The following IFNA5 variants were observed in gnomAD, a reference collection of about 807,000 sequenced individuals.
The protein encoded by IFNA5 is interferon alpha-5.
For missense variants in IFNA5, 267 were observed against 213.8 expected (o/e 1.25, Z -1.55); for synonymous variants, 95 against 77.6 (o/e 1.22, Z -1.18).
chr9:21,304,330 A>G lies in IFNA5; in HGVS notation c.*357T>C, dbSNP rs1469941271. 2.0e-5 allele frequency: 3 copies of G among 152,412 alleles called. No individual in the cohort carries two copies. In the East Asian group the frequency reaches 5.7e-4, roughly 29 times the overall value. The allele number at this position is 152,412 out of a possible 1,614,324, so 9.4% of individuals were successfully genotyped here. On this transcript the variant is annotated 3_prime_UTR_variant, in exon 1 of 1. Coordinates refer to ENST00000610521, the MANE Select transcript of IFNA5 (RefSeq NM_002169.3). ...AACAAAGCAAAATAATCAGTTGACA[A>G]AACATAAAGAACATATTTTATTATA...
rs144769373 is a variant in IFNA5, at chr9:21,304,721, G to T, written c.536C>A (p.Ala179Glu). 6.2e-7 allele frequency: 1 copy of T among 1,612,374 alleles called. No homozygotes were observed. Among genetic ancestry groups the T allele is most frequent in the South Asian group, 1.1e-5 (1 of 90,448 alleles). Reference sequence around the variant, plus strand: ...CCTCCTTAATCTTTCTTGCAAGTTTGCTGATAAAGAGAAGGATCTCATGAT... The same window carrying T: ...CCTCCTTAATCTTTCTTGCAAGTTTTCTGATAAAGAGAAGGATCTCATGAT... ...AEIMRSFSLSANLQERLRRKE is the reference protein window; with the variant it reads ...AEIMRSFSLSENLQERLRRKE The change falls in exon 1 of 1, where the codon GCA becomes GAA. Residue 179 changes from alanine to glutamate, a missense_variant. Ala to Glu is a moderately radical substitution (Grantham distance 107, BLOSUM62 -1). Coordinates refer to ENST00000610521, the MANE Select transcript of IFNA5 (RefSeq NM_002169.3).
In IFNA5 at chr9:21,305,007, T is replaced by C. The variant is rs1819824822; in HGVS notation, c.250A>G (p.Ile84Val). The C allele has an allele frequency of 6.2e-7, 1 of 1,614,186 alleles. No individual in the cohort carries two copies. The highest frequency in any genetic ancestry group is 8.5e-7 in the Non-Finnish European group (1 of 1,180,036). ...CTGAAGAGATTGAAGGTCTGCTGGA[T>C]CATCTCATGGAGGACAGAGATGGCT... is the stretch of plus-strand genomic sequence containing the variant. ...AQAISVLHEMIQQTFNLFSTK... is the reference protein window; with the variant it reads ...AQAISVLHEMVQQTFNLFSTK... Residue 84 changes from isoleucine (I) to valine (V), a missense_variant, in exon 1 of 1, where the codon ATC (isoleucine) becomes GTC (valine). Ile to Val is a conservative substitution (Grantham distance 29, BLOSUM62 3). Transcript: ENST00000610521.
At position 21,304,374 on chromosome 9, in the gene IFNA5, T is replaced by G. The variant is rs1819807422; in HGVS notation, c.*313A>C. ...TATTATATTAGCCACAAAGTAAAGG[T>G]GGATGTAATATTACCTGAACAAACA... On this transcript the variant is annotated 3_prime_UTR_variant, in exon 1 of 1. Transcript: ENST00000610521. 1 of 152,736 alleles carries G rather than the reference T, an allele frequency of 6.5e-6. No homozygotes were observed. The highest frequency in any genetic ancestry group is 2.4e-5 in the African/African-American group (1 of 41,388). 9.5% of individuals were successfully genotyped at this position (152,736 alleles called of 1,614,324 possible). A position where few individuals can be genotyped will look rare whatever the true frequency, so the allele number is the denominator to read the frequency against.
At position 21,305,105 on chromosome 9, in the gene IFNA5, G is replaced by A. The variant is rs1819827474; in HGVS notation, c.152C>T (p.Ser51Phe). Residue 51 changes from serine to phenylalanine, a missense_variant, in exon 1 of 1, where the codon TCC (serine) becomes TTC (phenylalanine). Ser to Phe is a radical substitution (Grantham distance 155). Transcript: ENST00000610521. ...AAAGTCATGTCTGTCCTTCAGGCAG[G>A]AGAAAGGAGAGATTCTTCCCATTTG... ...MAQMGRISPF[S>F]CLKDRHDFGF... 1.9e-6 allele frequency: 3 copies of A among 1,614,204 alleles called. No homozygotes were observed. The highest frequency in any genetic ancestry group is 2.5e-6 in the Non-Finnish European group (3 of 1,180,030).
In IFNA5 at chr9:21,304,688, C is replaced by A; in HGVS notation, c.569G>T (p.Ter190LeuextTer11). Residue 190 changes from the stop codon to leucine (L), a stop_lost, in exon 1 of 1, where the codon TGA becomes TTA. Transcript: ENST00000610521. ...ATCATTTCGATGTTGAACCAGTTTT[C>A]ATTCCTTCCTCCTTAATCTTTCTTG... ...NLQERLRRKE* is the reference protein window; with the variant it reads ...NLQERLRRKEL The A allele has an allele frequency of 6.2e-7, 1 of 1,610,298 alleles. No individual in the cohort carries two copies. The highest frequency in any genetic ancestry group is 8.5e-7 in the Non-Finnish European group (1 of 1,178,998).
Position 21,305,283 on chromosome 9 carries a change from T to C in IFNA5, c.-27A>G. On this transcript the variant is annotated 5_prime_UTR_variant, in exon 1 of 1. Transcript: ENST00000610521. ...GGGGAGGTTGCAGATGCTTCTGGGC[T>C]GTTGAGATTGAGTGACCCTGAACCT... 1 of 1,542,402 alleles carries C rather than the reference T, an allele frequency of 6.5e-7. No individual in the cohort carries two copies. The highest frequency in any genetic ancestry group is 8.7e-7 in the Non-Finnish European group (1 of 1,146,666).
At position 21,304,328 on chromosome 9, in the gene IFNA5, C is replaced by T. The variant is rs997245846; in HGVS notation, c.*359G>A. The T allele has an allele frequency of 3.3e-5, 5 of 151,852 alleles. No individual in the cohort carries two copies. The highest frequency in any genetic ancestry group is 3.3e-4 in the Admixed American group (5 of 15,212). The allele number at this position is 151,852 out of a possible 1,614,324, so 9.4% of individuals were successfully genotyped here. On this transcript the variant is annotated 3_prime_UTR_variant, in exon 1 of 1. Transcript: ENST00000610521. ...TGAACAAAGCAAAATAATCAGTTGACAAAACATAAAGAACATATTTTATTA... is the reference window on the plus strand; with the variant it reads ...TGAACAAAGCAAAATAATCAGTTGATAAAACATAAAGAACATATTTTATTA...
rs1258224324 is a variant in IFNA5 at position 21,305,147 on chromosome 9, G to C, written c.110C>G (p.Thr37Ser). Reference sequence around the variant, plus strand: ...TCCCATTTGTGCCATTATCATCAAAGTCCTCCTGTTACTCAGGCTGTGGGT... The same window carrying C: ...TCCCATTTGTGCCATTATCATCAAACTCCTCCTGTTACTCAGGCTGTGGGT... ...PQTHSLSNRR[T>S]LMIMAQMGRI... is the part of the protein sequence containing the mutation. The change falls in exon 1 of 1, where the codon ACT becomes AGT. Residue 37 changes from threonine (T) to serine (S), a missense_variant. Transcript: ENST00000610521. 1 of 1,614,182 alleles carries C rather than the reference G, an allele frequency of 6.2e-7. No homozygotes were observed. The highest frequency in any genetic ancestry group is 1.3e-5 in the African/African-American group (1 of 75,046).
Position 21,305,099 on chromosome 9 carries a change from A to G in IFNA5, c.158T>C (p.Leu53Pro). ...QMGRISPFSCLKDRHDFGFPQ... is the reference protein window; with the variant it reads ...QMGRISPFSCPKDRHDFGFPQ... ...AAATCCAAAGTCATGTCTGTCCTTCAGGCAGGAGAAAGGAGAGATTCTTCC... is the reference window on the plus strand; with the variant it reads ...AAATCCAAAGTCATGTCTGTCCTTCGGGCAGGAGAAAGGAGAGATTCTTCC... The change falls in exon 1 of 1, where the codon CTG becomes CCG. Residue 53 changes from leucine to proline, a missense_variant. By Grantham distance (98) the Leu-to-Pro change is moderately conservative (BLOSUM62 -3). Coordinates refer to ENST00000610521, the MANE Select transcript of IFNA5 (RefSeq NM_002169.3). The G allele has an allele frequency of 6.2e-7, 1 of 1,614,240 alleles. No homozygotes were observed. Among genetic ancestry groups the G allele is most frequent in the African/African-American group, 1.3e-5 (1 of 75,056 alleles).
In IFNA5 at chr9:21,304,745, A is replaced by G; in HGVS notation, c.512T>C (p.Ile171Thr). The G allele has an allele frequency of 6.2e-7, 1 of 1,613,484 alleles. No individual in the cohort carries two copies. Among genetic ancestry groups the G allele is most frequent in the Non-Finnish European group, 8.5e-7 (1 of 1,179,910 alleles). The change falls in exon 1 of 1, where the codon ATC (isoleucine) becomes ACC (threonine). Residue 171 changes from isoleucine to threonine, a missense_variant. By Grantham distance (89) the Ile-to-Thr change is moderately conservative. Coordinates refer to ENST00000610521, the MANE Select transcript of IFNA5 (RefSeq NM_002169.3). ...TGCTGATAAAGAGAAGGATCTCATG[A>G]TTTCTGCTCTGACAACCTCCCATGC... ...PCAWEVVRAE[I>T]MRSFSLSANL...
rs1309777296 is a variant in IFNA5, at chr9:21,304,474, AATAG to A, written c.*209_*212del. ...TAGATAGAAGACAGACAGATAGATA[AATAG>A]ATAGAATAGATAGATTGGCATGATC... On this transcript the variant is annotated 3_prime_UTR_variant, in exon 1 of 1. Transcript: ENST00000610521. 2 of 340,188 alleles carry A rather than the reference AATAG, an allele frequency of 5.9e-6. No homozygotes were observed. The highest frequency in any genetic ancestry group is 1.0e-5 in the Non-Finnish European group (2 of 191,442). The allele number at this position is 340,188 out of a possible 1,614,324, so 21.1% of individuals were successfully genotyped here.
Position 21,305,262 on chromosome 9 carries a change from A to C in IFNA5, c.-6T>G. The C allele has an allele frequency of 6.3e-7, 1 of 1,579,690 alleles. No homozygotes were observed. The highest frequency in any genetic ancestry group is 8.6e-7 in the Non-Finnish European group (1 of 1,165,588). ...AAAACAAAGGGCAAGGCCATTGGGG[A>C]GGTTGCAGATGCTTCTGGGCTGTTG... On this transcript the variant is annotated 5_prime_UTR_variant, in exon 1 of 1. Coordinates refer to ENST00000610521, the MANE Select transcript of IFNA5 (RefSeq NM_002169.3).
chr9:21,304,722 C>G lies in IFNA5; in HGVS notation c.535G>C (p.Ala179Pro). 1.2e-6 allele frequency: 2 copies of G among 1,612,196 alleles called. No individual in the cohort carries two copies. The highest frequency in any genetic ancestry group is 1.7e-6 in the Non-Finnish European group (2 of 1,179,664). Residue 179 changes from alanine (A) to proline (P), a missense_variant, in exon 1 of 1, where the codon GCA becomes CCA. Ala to Pro is a conservative substitution (Grantham distance 27). Coordinates refer to ENST00000610521, the MANE Select transcript of IFNA5 (RefSeq NM_002169.3). ...AEIMRSFSLS[A>P]NLQERLRRKE The stretch of plus-strand genomic sequence containing the variant: ...CTCCTTAATCTTTCTTGCAAGTTTG[C>G]TGATAAAGAGAAGGATCTCATGATT...
At position 21,304,650 on chromosome 9, in the gene IFNA5, C is replaced by T. The variant is rs150951978; in HGVS notation, c.*37G>A. The T allele has an allele frequency of 1.2e-4, 183 of 1,576,636 alleles. No individual in the cohort carries two copies. The African/African-American group carries it at 1.9e-3, about 17-fold the overall frequency. ...AACTCAAGAAGTGTGAAATGGTGTA[C>T]TAGTCAATGAGAATCATTTCGATGT... On this transcript the variant is annotated 3_prime_UTR_variant, in exon 1 of 1. Coordinates refer to ENST00000610521, the MANE Select transcript of IFNA5 (RefSeq NM_002169.3).
chr9:21,304,911 G>C lies in IFNA5; in HGVS notation c.346C>G (p.Leu116Val), dbSNP rs373247063. 1.9e-6 allele frequency: 3 copies of C among 1,614,162 alleles called. No homozygotes were observed. Among genetic ancestry groups the C allele is most frequent in the Middle Eastern group, 1.6e-4 (1 of 6,062 alleles). Residue 116 changes from leucine (L) to valine (V), a missense_variant, in exon 1 of 1, where the codon CTG (leucine) becomes GTG (valine). Coordinates refer to ENST00000610521, the MANE Select transcript of IFNA5 (RefSeq NM_002169.3). Reference protein sequence around the residue: ...DKFYTELYQQLNDLEACMMQE... With the variant: ...DKFYTELYQQVNDLEACMMQE... The stretch of plus-strand genomic sequence containing the variant: ...ATCATACAGGCTTCCAGGTCATTCA[G>C]CTGCTGGTAAAGTTCAGTGTAGAAT...
chr9:21,304,576 A>T lies in IFNA5; in HGVS notation c.*111T>A. 1 of 1,283,352 alleles carries T rather than the reference A, an allele frequency of 7.8e-7. No individual in the cohort carries two copies. The highest frequency in any genetic ancestry group is 1.1e-6 in the Non-Finnish European group (1 of 929,348). The allele number at this position is 1,283,352 out of a possible 1,614,324, so 79.5% of individuals were successfully genotyped here. On this transcript the variant is annotated 3_prime_UTR_variant, in exon 1 of 1. Transcript: ENST00000610521. ...ACGTGTGAAACGTTTGAAAATTTTG[A>T]TTCAACTCAAGTCATGGATATAGCA...
Position 21,304,882 on chromosome 9 carries a change from C to G in IFNA5, c.375G>C (p.Gln125His), listed in dbSNP as rs1269818797. The G allele has an allele frequency of 6.2e-7, 1 of 1,614,172 alleles. No homozygotes were observed. Among genetic ancestry groups the G allele is most frequent in the Admixed American group, 1.7e-5 (1 of 60,024 alleles). The change falls in exon 1 of 1, where the codon CAG becomes CAC. Residue 125 changes from glutamine to histidine, a missense_variant. Coordinates refer to ENST00000610521, the MANE Select transcript of IFNA5 (RefSeq NM_002169.3). ...GAGGAGTGTCTTCCACTCCAACCTC[C>G]TGCATCATACAGGCTTCCAGGTCAT... ...QLNDLEACMM[Q>H]EVGVEDTPLM...
rs779180116 is a variant in IFNA5, at chr9:21,305,258, G to T, written c.-2C>A. 3.2e-6 allele frequency: 5 copies of T among 1,582,916 alleles called. No individual in the cohort carries two copies. The highest frequency in any genetic ancestry group is 4.3e-6 in the Non-Finnish European group (5 of 1,167,058). Reference sequence around the variant, plus strand: ...CAGTAAAACAAAGGGCAAGGCCATTGGGGAGGTTGCAGATGCTTCTGGGCT... The same window carrying T: ...CAGTAAAACAAAGGGCAAGGCCATTTGGGAGGTTGCAGATGCTTCTGGGCT... On this transcript the variant is annotated 5_prime_UTR_variant, in exon 1 of 1. Coordinates refer to ENST00000610521, the MANE Select transcript of IFNA5 (RefSeq NM_002169.3).
In IFNA5 at chr9:21,305,309, T is replaced by G; in HGVS notation, c.-53A>C. ...GTTGAGATTGAGTGACCCTGAACCT[T>G]GGGCTCTTCTCTGAAGACCTTGTTT... On this transcript the variant is annotated 5_prime_UTR_variant, in exon 1 of 1. Coordinates refer to ENST00000610521, the MANE Select transcript of IFNA5 (RefSeq NM_002169.3). 1 of 1,458,394 alleles carries G rather than the reference T, an allele frequency of 6.9e-7. No individual in the cohort carries two copies. Among genetic ancestry groups the G allele is most frequent in the African/African-American group, 1.4e-5 (1 of 70,602 alleles). 90.3% of individuals were successfully genotyped at this position (1,458,394 alleles called of 1,614,324 possible).
Sources: gnomAD v4.1 joint callset for allele counts on GRCh38, gnomAD v4.1.1 for gene constraint, MANE v1.5 for transcripts, NCBI Gene and HGNC (gene_info 2026-07-23, HGNC 2026-07-21) for gene names.